SLC10A2: variants seen among roughly 807,000 people sequenced by gnomAD.
SLC10A2 encodes the protein ileal sodium/bile acid cotransporter.
A neutral mutation model predicts 27.1 loss-of-function variants in SLC10A2; 34 were observed. The observed-to-expected ratio is 1.26, with a 90% CI of 0.96 to 1.67. SLC10A2 has a LOEUF of 1.67. Among genes scored for constraint, SLC10A2 ranks in the 40% most tolerant of loss-of-function variants. SLC10A2 has a pLI of 0.00. For synonymous variants in SLC10A2, 205 were observed against 174.0 expected (o/e 1.18, Z -1.40); for missense variants, 530 against 444.4 (o/e 1.19, Z -1.73).
chr13:103,048,552 T>A (rs1875679524), intron 5 of SLC10A2, among the ~76,000 whole-genome samples: 1 of 152,074 alleles, frequency 6.6e-6, no homozygotes, highest in African/African-American at 2.4e-5. Context: ...CATTACAATG[T>A]CATGAGGCTT....
At position 103,063,470 on chromosome 13, in the gene SLC10A2, T is replaced by C. The variant is rs77244918; in HGVS notation, c.377+2403A>G. ...GAGATGGAGAAGGTAAAATTCTAAGTGTACACAACTGGAAATATAAATGTT... is the reference window on the plus strand; with the variant it reads ...GAGATGGAGAAGGTAAAATTCTAAGCGTACACAACTGGAAATATAAATGTT... On this transcript the variant is annotated intron_variant, in intron 1 of 5. Coordinates refer to ENST00000245312, the MANE Select transcript of SLC10A2 (RefSeq NM_000452.3). Among the ~76,000 whole-genome samples the C allele has an allele frequency of 3.3e-3, 499 of 152,308 alleles. 13 individuals carry two copies. In the East Asian group the frequency reaches 0.058, roughly 18 times the overall value.
chr13:103,049,453 A>G lies in SLC10A2; in HGVS notation c.762-7T>C. 6.2e-7 allele frequency: 1 copy of G among 1,613,778 alleles called. No individual in the cohort carries two copies. On this transcript the variant is annotated splice_region_variant and splice_polypyrimidine_tract_variant and intron_variant, in intron 4 of 5. Transcript: ENST00000245312. ...AAAAGCAACCGTTCGGCACCTAAAGAAGATGTTAAGAGAGCACATGTTTTA... is the reference window on the plus strand; with the variant it reads ...AAAAGCAACCGTTCGGCACCTAAAGGAGATGTTAAGAGAGCACATGTTTTA...
intron 1 of SLC10A2, among the ~76,000 whole-genome samples, chr13:103,065,242 T>C (rs1274278389): frequency 6.6e-6 from 1 of 152,196 alleles, no homozygotes; most frequent in Non-Finnish European, 1.5e-5. Flanking sequence ...GATTACTCTG[T>C]AGGAAGTGGA....
chr13:103,055,297 CA>C (rs1566513066), intron 2 of SLC10A2, among the ~76,000 whole-genome samples: 1 of 152,148 alleles, frequency 6.6e-6, no homozygotes, highest in African/African-American at 2.4e-5. Context: ...CAATTTGCAG[CA>C]GTGGTTTTAT....
intron 1 of SLC10A2, among the ~76,000 whole-genome samples, chr13:103,060,048 C>T (rs1479251543): frequency 1.3e-5 from 2 of 152,004 alleles, no homozygotes; most frequent in African/African-American, 2.4e-5. Flanking sequence ...GCTGAGTAGG[C>T]TATCTACATG....
At chr13:103,047,586 C>T (rs576254557) in intron 5 of SLC10A2, among the ~76,000 whole-genome samples, 4 of 148,206 alleles carry the variant, frequency 2.7e-5, no homozygotes, top group Non-Finnish European at 4.5e-5. Context: ...TCTTCCCCTC[C>T]TCTCCTTTTT....
At position 103,066,243 on chromosome 13, in the gene SLC10A2, C is replaced by T. The variant is rs866026770; in HGVS notation, c.7G>A (p.Asp3Asn). 1.2e-6 allele frequency: 2 copies of T among 1,601,446 alleles called. No homozygotes were observed. Among genetic ancestry groups the T allele is most frequent in the Non-Finnish European group, 1.7e-6 (2 of 1,170,758 alleles). Residue 3 changes from aspartate to asparagine, a missense_variant, in exon 1 of 6, where the codon GAT (aspartate) becomes AAT (asparagine). Asp to Asn is a conservative substitution (Grantham distance 23). Transcript: ENST00000245312. ...GCATTGTCCACACAGCTGTTCGGAT[C>T]ATTCATTGCTGGGTCTGCTGCTGGA... MN[D>N]PNSCVDNATV... is the part of the protein sequence containing the mutation.
At position 103,065,897 on chromosome 13, in the gene SLC10A2, C is replaced by T. The variant is rs780391277; in HGVS notation, c.353G>A (p.Trp118Ter). Reference sequence around the variant, plus strand: ...CCTCAGGTCCATGTCGCCATCGACCCAATAGGCCAAGATATTGGAGGCAGT... The same window carrying T: ...CCTCAGGTCCATGTCGCCATCGACCTAATAGGCCAAGATATTGGAGGCAGT... ...GGTASNILAYWVDGDMDLSVS... is the reference protein window; with the variant it reads ...GGTASNILAY Residue 118 changes from tryptophan (W) to a stop codon, truncating the protein, a stop_gained, in exon 1 of 6, where the codon TGG (tryptophan) becomes TAG (stop). Transcript: ENST00000245312. LOFTEE classifies it high-confidence loss of function. The T allele has an allele frequency of 1.2e-6, 2 of 1,614,104 alleles. No homozygotes were observed. Among genetic ancestry groups the T allele is most frequent in the African/African-American group, 1.3e-5 (1 of 75,032 alleles).
At chr13:103,063,708 A>G (rs1391718328) in intron 1 of SLC10A2, among the ~76,000 whole-genome samples, 2 of 152,228 alleles carry the variant, frequency 1.3e-5, no homozygotes, top group Admixed American at 1.3e-4. Flanking sequence ...CCTCTTCTCA[A>G]TGATTAAGAC....
chr13:103,060,775 C>G (rs1876092598), intron 1 of SLC10A2, among the ~76,000 whole-genome samples: 1 of 152,066 alleles, frequency 6.6e-6, no homozygotes, highest in African/African-American at 2.4e-5. Flanking sequence ...CTCTGAAAGG[C>G]CCTTCTCTCA....
chr13:103,063,876 A>G (rs1876198808), intron 1 of SLC10A2, among the ~76,000 whole-genome samples: 1 of 152,210 alleles, frequency 6.6e-6, no homozygotes, highest in Non-Finnish European at 1.5e-5. Flanking sequence ...GATAGAGAGA[A>G]TAAGTGATAG....
intron 5 of SLC10A2, among the ~76,000 whole-genome samples, chr13:103,046,665 G>A (rs142476065): frequency 6.6e-6 from 1 of 152,332 alleles, no homozygotes; most frequent in Non-Finnish European, 1.5e-5. Flanking sequence ...CTCTGTAGAA[G>A]GACTTGAACT....
Position 103,046,097 on chromosome 13 carries a change from G to T in SLC10A2, c.*36C>A. On this transcript the variant is annotated 3_prime_UTR_variant, in exon 6 of 6. Transcript: ENST00000245312. ...TTAAATATAGTTACGGTTTAAGAACGTAATTTGGAACTCGTCTGTTTTGTC... is the reference window on the plus strand; with the variant it reads ...TTAAATATAGTTACGGTTTAAGAACTTAATTTGGAACTCGTCTGTTTTGTC... 3 of 1,610,510 alleles carry T rather than the reference G, an allele frequency of 1.9e-6. No individual in the cohort carries two copies. The highest frequency in any genetic ancestry group is 2.5e-6 in the Non-Finnish European group (3 of 1,177,038).
chr13:103,057,577 T>C (rs1466540856), intron 2 of SLC10A2, among the ~76,000 whole-genome samples: 2 of 152,252 alleles, frequency 1.3e-5, no homozygotes, highest in East Asian at 1.9e-4. Flanking sequence ...GAAACCATTA[T>C]GTGATTTTAA....
At position 103,052,507 on chromosome 13, in the gene SLC10A2, G is replaced by A. The variant is rs185410120; in HGVS notation, c.585+113C>T. ...AAGACTGCATGGCTAATGACTTCAGGCCCCCACTCAACAGTAATCATATAA... is the reference window on the plus strand; with the variant it reads ...AAGACTGCATGGCTAATGACTTCAGACCCCCACTCAACAGTAATCATATAA... On this transcript the variant is annotated intron_variant, in intron 3 of 5. Coordinates refer to ENST00000245312, the MANE Select transcript of SLC10A2 (RefSeq NM_000452.3). 2.8e-3 allele frequency: 2,200 copies of A among 793,270 alleles called. 36 individuals carry two copies. The highest frequency in any genetic ancestry group is 1.1e-3 in the South Asian group (77 of 72,282). The allele number at this position is 793,270 out of a possible 1,614,324, so 49.1% of individuals were successfully genotyped here. A position where few individuals can be genotyped will look rare whatever the true frequency, so the allele number is the denominator to read the frequency against.
intron 4 of SLC10A2, among the ~76,000 whole-genome samples, chr13:103,049,769 A>T (rs1875720726): frequency 1.3e-5 from 2 of 152,204 alleles, no homozygotes; most frequent in East Asian, 3.8e-4. Context: ...TTTTGGTAAC[A>T]GTGTAGAGCA....
At chr13:103,056,379 T>C (rs951599298) in intron 2 of SLC10A2, among the ~76,000 whole-genome samples, 3 of 152,188 alleles carry the variant, frequency 2.0e-5, no homozygotes, top group Non-Finnish European at 2.9e-5. Flanking sequence ...TTTTCCTCCA[T>C]TGAAGTGCTA....
At position 103,049,304 on chromosome 13, in the gene SLC10A2, C is replaced by T. The variant is rs201822357; in HGVS notation, c.904G>A (p.Ala302Thr). The T allele has an allele frequency of 2.5e-5, 41 of 1,613,350 alleles. No homozygotes were observed. The highest frequency in any genetic ancestry group is 8.3e-5 in the Admixed American group (5 of 59,968). Residue 302 changes from alanine to threonine, a missense_variant, in exon 5 of 6, where the codon GCA becomes ACA. Transcript: ENST00000245312. The stretch of plus-strand genomic sequence containing the variant: ...GATTCCTTACATCCTAAGAATATTG[C>T]GGCAAAGGCGAGCTGGAAAATGCTG... ...IYSIFQLAFAAIFLGFYVAYK... is the reference protein window; with the variant it reads ...IYSIFQLAFATIFLGFYVAYK...
At chr13:103,051,190 C>T (rs1875766676) in intron 4 of SLC10A2, 67 bp downstream of exon 4, 3 of 1,528,830 alleles carry the variant, frequency 2.0e-6, no homozygotes, top group Non-Finnish European at 2.7e-6. Context: ...CTTATGGCAC[C>T]TCTAGCAAAG....
Sources: allele counts gnomAD v4.1 joint callset (sites outside exome capture counted in the v4.1 genomes callset), GRCh38; gene constraint gnomAD v4.1.1; transcripts MANE v1.5; gene names NCBI Gene and HGNC (gene_info 2026-07-23, HGNC 2026-07-21).